The following MDGA2 variants were observed in gnomAD, a reference collection of about 807,000 sequenced individuals.
MDGA2 encodes MAM domain containing glycosylphosphatidylinositol anchor 2.
In MDGA2, 40 loss-of-function variants were observed where a neutral mutation model predicts 117.8. The ratio of observed to expected loss-of-function variants is 0.34; its 90% CI spans 0.26 to 0.44. The LOEUF (loss-of-function observed/expected upper bound fraction) is 0.44, where lower values mean the gene tolerates loss of function less well. MDGA2 is among the 20% of genes least tolerant of loss of function. The pLI is 1.00. For synonymous variants in MDGA2, 452 were observed against 439.0 expected, an observed-to-expected ratio of 1.03 and a Z score of -0.37; for missense variants, 1,123 against 1,250.6, an observed-to-expected ratio of 0.90 and a Z score of 1.54.
At chr14:47,499,542 ATTAAT>A (rs1161928103) in intron 1 of MDGA2, among the ~76,000 whole-genome samples, 2 of 152,148 alleles carry the variant, frequency 1.3e-5, no homozygotes, top group African/African-American at 2.4e-5. Context: ...TAAATAGGCA[ATTAAT>A]TTATTTTTAT....
chr14:47,280,922 T>C (rs1036192008), intron 2 of MDGA2, among the ~76,000 whole-genome samples: 2 of 148,890 alleles, frequency 1.3e-5, no homozygotes, highest in South Asian at 4.2e-4. Context: ...AATCCATTTT[T>C]AAACCTTGTA....
chr14:47,129,405 C>T (rs75292753), intron 5 of MDGA2, among the ~76,000 whole-genome samples: 6 of 151,890 alleles, frequency 4.0e-5, no homozygotes, highest in African/African-American at 9.7e-5. Context: ...TCCATGTCCC[C>T]ACAAAGGACA....
At chr14:46,906,052 A>G (rs1883480197) in intron 10 of MDGA2, among the ~76,000 whole-genome samples, 1 of 152,018 alleles carries the variant, frequency 6.6e-6, no homozygotes, top group African/African-American at 2.4e-5. Flanking sequence ...TCAATAATTT[A>G]CTAATAGCAT....
chr14:47,583,481 T>C lies in MDGA2; in HGVS notation c.280+91036A>G, dbSNP rs150512345. Among the ~76,000 whole-genome samples, 25 of 152,016 alleles carry C rather than the reference T, an allele frequency of 1.6e-4. 1 individual carries two copies. The East Asian group carries it at 4.3e-3, about 26-fold the overall frequency. ...TGTCAGACTTTGGGATGTTGAATAA[T>C]CAAGATTTTCTTGAAATATATTTCA... On this transcript the variant is annotated intron_variant, in intron 1 of 16. Transcript: ENST00000399232.
intron 9 of MDGA2, among the ~76,000 whole-genome samples, chr14:46,927,464 A>C (rs1209012943): frequency 6.6e-6 from 1 of 152,146 alleles, no homozygotes; most frequent in Non-Finnish European, 1.5e-5. Flanking sequence ...CATATCTTGG[A>C]ATTAAGATGA....
chr14:46,890,815 C>T (rs1882852126), intron 10 of MDGA2, among the ~76,000 whole-genome samples: 2 of 151,874 alleles, frequency 1.3e-5, no homozygotes, highest in Non-Finnish European at 2.9e-5. Context: ...ATATTCTTGC[C>T]CTGCGATCAC....
intron 10 of MDGA2, among the ~76,000 whole-genome samples, chr14:46,892,885 G>T (rs1037756156): frequency 2.6e-5 from 4 of 151,822 alleles, no homozygotes; most frequent in African/African-American, 7.2e-5. Context: ...AGAGATAAAC[G>T]AAACCTCTAC....
intron 6 of MDGA2, among the ~76,000 whole-genome samples, chr14:47,081,795 C>G (rs762910863): frequency 6.6e-6 from 1 of 152,070 alleles, no homozygotes; most frequent in African/African-American, 2.4e-5. Flanking sequence ...GAATTTATTG[C>G]TCAATTTAAA....
chr14:46,951,598 C>T (rs959936427), intron 9 of MDGA2, among the ~76,000 whole-genome samples: 8 of 151,968 alleles, frequency 5.3e-5, no homozygotes, highest in African/African-American at 1.9e-4. Flanking sequence ...GACCTGCAGG[C>T]ATATTCTAGG....
At chr14:47,353,676 T>G (rs1036478157) in intron 1 of MDGA2, among the ~76,000 whole-genome samples, 2 of 152,112 alleles carry the variant, frequency 1.3e-5, no homozygotes, top group Non-Finnish European at 2.9e-5. Flanking sequence ...GTAAACAGCT[T>G]GCAACAAAGA....
At chr14:46,909,670 T>C (rs1290623463) in intron 10 of MDGA2, among the ~76,000 whole-genome samples, 3 of 152,184 alleles carry the variant, frequency 2.0e-5, no homozygotes, top group Non-Finnish European at 2.9e-5. Flanking sequence ...AAAATACATC[T>C]AAATTGAAAC....
intron 1 of MDGA2, among the ~76,000 whole-genome samples, chr14:47,336,842 C>G (rs1890474938): frequency 6.6e-6 from 1 of 151,682 alleles, no homozygotes; most frequent in African/African-American, 2.4e-5. Context: ...TAAAAGAGTT[C>G]AGGCATCTTT....
chr14:47,471,252 G>GT (rs35098377), intron 1 of MDGA2, among the ~76,000 whole-genome samples: 136,578 of 147,886 alleles, frequency 0.92, 63,108 homozygotes, highest in East Asian at 0.99. Context: ...TATTAATGGA[G>GT]TTTTTTTTTT....
chr14:47,090,897 A>T (rs1230213899), intron 6 of MDGA2, among the ~76,000 whole-genome samples: 2 of 152,160 alleles, frequency 1.3e-5, no homozygotes, highest in Non-Finnish European at 2.9e-5. Flanking sequence ...TGAATAAAGA[A>T]GCATTGAAGA....
In MDGA2 at chr14:46,841,484, A is replaced by G. The variant is rs1272071849; in HGVS notation, c.*447T>C. The G allele has an allele frequency of 2.0e-5, 3 of 152,856 alleles. No homozygotes were observed. Among genetic ancestry groups the G allele is most frequent in the African/African-American group, 7.2e-5 (3 of 41,422 alleles). 9.5% of individuals were successfully genotyped at this position (152,856 alleles called of 1,614,324 possible). The stretch of plus-strand genomic sequence containing the variant: ...TAAGGAAAATAAATGCCAGCTCTTC[A>G]CGTACCCTGTTTACAGTGAGGTTTT... On this transcript the variant is annotated 3_prime_UTR_variant, in exon 17 of 17. Transcript: ENST00000399232.
chr14:46,996,930 C>A (rs1316998413), intron 8 of MDGA2: 10 of 385,712 alleles, frequency 2.6e-5, no homozygotes, highest in Non-Finnish European at 3.9e-5. Flanking sequence ...CTAGCAGCAA[C>A]CCAGGAATGG....
intron 7 of MDGA2, among the ~76,000 whole-genome samples, chr14:47,048,736 T>C (rs1889350913): frequency 6.6e-6 from 1 of 152,066 alleles, no homozygotes; most frequent in South Asian, 2.1e-4. Context: ...CAGGGTCACA[T>C]GTTCTTTAGA....
chr14:46,979,458 T>C (rs1456548311), intron 8 of MDGA2, among the ~76,000 whole-genome samples: 2 of 152,210 alleles, frequency 1.3e-5, no homozygotes, highest in African/African-American at 4.8e-5. Context: ...AAGGAAATCA[T>C]ATTGAAAGCT....
chr14:47,587,504 T>C (rs1896347848), intron 1 of MDGA2, among the ~76,000 whole-genome samples: 1 of 151,864 alleles, frequency 6.6e-6, no homozygotes, highest in South Asian at 2.1e-4. Context: ...CACTTCTTGT[T>C]GTTAGGGAGG....
Sources: gnomAD v4.1 joint callset for allele counts (sites outside exome capture counted in the v4.1 genomes callset) on GRCh38, gnomAD v4.1.1 for gene constraint, MANE v1.5 for transcripts, NCBI Gene and HGNC (gene_info 2026-07-23, HGNC 2026-07-21) for gene names.